Variants in ASIC2 observed in about 807,000 individuals in gnomAD.
ASIC2 encodes the protein acid-sensing ion channel 2.
Under a neutral mutation model 57.3 loss-of-function variants are expected in ASIC2, and 25 were observed. That is an observed-to-expected ratio of 0.44 (90% CI 0.32 to 0.61). ASIC2 has a LOEUF of 0.61. Among genes scored for constraint, ASIC2 ranks in the 20% least tolerant of loss-of-function variants. ASIC2 has a pLI of 0.06. For synonymous variants in ASIC2, 319 were observed against 307.5 expected, an observed-to-expected ratio of 1.04 and a Z score of -0.39; for missense variants, 641 against 738.1, an observed-to-expected ratio of 0.87 and a Z score of 1.52.
intron 4 of ASIC2, among the ~76,000 whole-genome samples, chr17:33,028,019 C>T (rs1027701184): frequency 5.9e-5 from 9 of 152,238 alleles, no homozygotes; most frequent in African/African-American, 1.9e-4. Flanking sequence ...GATGAACATT[C>T]CCCAAACACT....
intron 1 of ASIC2, among the ~76,000 whole-genome samples, chr17:33,302,454 G>C (rs1363539380): frequency 2.0e-5 from 3 of 152,066 alleles, no homozygotes; most frequent in Non-Finnish European, 4.4e-5. Flanking sequence ...TCTGCTTCAG[G>C]GAGCACTCAC....
chr17:33,690,279 G>A (rs1255576290), intron 1 of ASIC2, among the ~76,000 whole-genome samples: 3 of 152,104 alleles, frequency 2.0e-5, no homozygotes, highest in Non-Finnish European at 4.4e-5. Flanking sequence ...CTGCAAAGTG[G>A]GCAGGACTCA....
intron 1 of ASIC2, among the ~76,000 whole-genome samples, chr17:34,015,391 G>A (rs116992619): frequency 0.016 from 2,434 of 152,260 alleles, 29 homozygotes; most frequent in Non-Finnish European, 0.023. Flanking sequence ...GAAATGCAAG[G>A]CTCCCACAGC....
intron 1 of ASIC2, among the ~76,000 whole-genome samples, chr17:33,675,872 T>C (rs1907803659): frequency 6.6e-6 from 1 of 152,236 alleles, no homozygotes; most frequent in Admixed American, 6.5e-5. Flanking sequence ...GCACCTGATT[T>C]AGCCTCATTT....
At chr17:33,166,809 T>C (rs1422407756) in intron 1 of ASIC2, among the ~76,000 whole-genome samples, 1 of 152,206 alleles carries the variant, frequency 6.6e-6, no homozygotes, top group East Asian at 1.9e-4. Context: ...GCCGAATGCA[T>C]CTCGACAACT....
chr17:33,381,115 G>A (rs1909473165), intron 1 of ASIC2, among the ~76,000 whole-genome samples: 1 of 152,230 alleles, frequency 6.6e-6, no homozygotes, highest in Non-Finnish European at 1.5e-5. Flanking sequence ...GCCGGTGGCT[G>A]TGCTTGCTTT....
intron 1 of ASIC2, among the ~76,000 whole-genome samples, chr17:33,701,822 T>G (rs532522421): frequency 5.7e-4 from 87 of 152,366 alleles, no homozygotes; most frequent in African/African-American, 2.0e-3. Flanking sequence ...CAATGTCTTT[T>G]TGCAAAGAAT....
intron 1 of ASIC2, among the ~76,000 whole-genome samples, chr17:33,351,649 A>T (rs1370107012): frequency 6.6e-6 from 1 of 152,198 alleles, no homozygotes; most frequent in African/African-American, 2.4e-5. Context: ...ACTCGTGATT[A>T]TGAAATGCTT....
intron 1 of ASIC2, among the ~76,000 whole-genome samples, chr17:33,710,923 G>T (rs1419263577): frequency 6.6e-6 from 1 of 152,068 alleles, no homozygotes. Context: ...AGTTTGAGTG[G>T]GGGCACAGTG....
At chr17:33,098,165 G>A (rs1279955715) in intron 2 of ASIC2, among the ~76,000 whole-genome samples, 1 of 152,134 alleles carries the variant, frequency 6.6e-6, no homozygotes, top group Non-Finnish European at 1.5e-5. Context: ...AGGGCCATGT[G>A]CAAATGTCTT....
intron 1 of ASIC2, among the ~76,000 whole-genome samples, chr17:33,209,675 A>G (rs548057771): frequency 1.5e-4 from 23 of 152,242 alleles, no homozygotes; most frequent in Non-Finnish European, 2.8e-4. Context: ...TTTGCTTATG[A>G]TCATATCCTT....
At chr17:33,828,919 G>A (rs550019638) in intron 1 of ASIC2, among the ~76,000 whole-genome samples, 5 of 152,292 alleles carry the variant, frequency 3.3e-5, no homozygotes, top group South Asian at 2.1e-4. Context: ...TCTTAGGGTC[G>A]TGTGATGGAT....
Position 33,768,996 on chromosome 17 carries a change from A to C in ASIC2, c.555+386982T>G, listed in dbSNP as rs1050653407. 2.6e-5 allele frequency among the ~76,000 whole-genome samples: 4 copies of C among 152,192 alleles called. No homozygotes were observed. In the East Asian group the frequency reaches 7.7e-4, roughly 29 times the overall value. On this transcript the variant is annotated intron_variant, in intron 1 of 9. Coordinates refer to the ASIC2 transcript ENST00000359872. ...ACATGTGCCCTAAAACTTAAAGTAT[A>C]ATAAAAAAAATTCTCCACCCTCACC... is the stretch of plus-strand genomic sequence containing the variant.
intron 1 of ASIC2, among the ~76,000 whole-genome samples, chr17:33,374,378 C>T (rs1909199735): frequency 6.6e-6 from 1 of 152,072 alleles, no homozygotes; most frequent in African/African-American, 2.4e-5. Flanking sequence ...CTCAATGGGT[C>T]CCGTGGCACC....
At chr17:33,121,710 C>T (rs11080205) in intron 1 of ASIC2, among the ~76,000 whole-genome samples, 44,646 of 152,034 alleles carry the variant, frequency 0.29, 6,711 homozygotes, top group East Asian at 0.47. Flanking sequence ...GCGGGCAGAA[C>T]TGTAGAAGAA....
intron 1 of ASIC2, among the ~76,000 whole-genome samples, chr17:33,464,540 C>CTTTCCTT (rs59312185): frequency 2.0e-5 from 1 of 49,368 alleles, no homozygotes. Context: ...TTCTTTCTTT[C>CTTTCCTT]TCTTTCTTTC....
At chr17:33,242,463 G>A (rs1908542643) in intron 1 of ASIC2, among the ~76,000 whole-genome samples, 1 of 152,062 alleles carries the variant, frequency 6.6e-6, no homozygotes, top group Admixed American at 6.5e-5. Context: ...ATGCAACCCT[G>A]GATAGAGGAT....
At chr17:33,100,908 C>T (rs746015703) in intron 2 of ASIC2, among the ~76,000 whole-genome samples, 6 of 152,230 alleles carry the variant, frequency 3.9e-5, no homozygotes, top group Non-Finnish European at 5.9e-5. Context: ...ATGTGCATTA[C>T]GCACATCTTT....
intron 1 of ASIC2, among the ~76,000 whole-genome samples, chr17:33,821,938 TTC>T (rs1269863368): frequency 1.3e-5 from 2 of 152,192 alleles, no homozygotes; most frequent in East Asian, 3.9e-4. Context: ...GGTAACAGTC[TTC>T]TGTTCTAGCT....
Sources: allele counts gnomAD v4.1 joint callset (sites outside exome capture counted in the v4.1 genomes callset), GRCh38; gene constraint gnomAD v4.1.1; transcripts MANE v1.5; gene names NCBI Gene and HGNC (gene_info 2026-07-23, HGNC 2026-07-21).